Variants in RNGTT observed in about 807,000 individuals in gnomAD.
RNGTT encodes RNA guanylyltransferase and 5'-phosphatase, also known as mRNA-capping enzyme.
A neutral mutation model predicts 79.3 loss-of-function variants in RNGTT; 33 were observed. That is an observed-to-expected ratio of 0.42 (90% CI 0.32 to 0.56). RNGTT has a LOEUF of 0.56. Among genes scored for constraint, RNGTT ranks in the 20% least tolerant of loss-of-function variants. The pLI is 0.17. For missense variants in RNGTT, 497 were observed against 739.1 expected (o/e 0.67, Z 3.80); for synonymous variants, 222 against 235.9 (o/e 0.94, Z 0.54).
rs528468206 is a variant in RNGTT, at chr6:88,654,135, T to TGTCAGCAACTGTGGAGAAGTG, written c.1506+24217_1506+24218insCACTTCTCCACAGTTGCTGAC. On this transcript the variant is annotated intron_variant, in intron 14 of 15. Coordinates refer to ENST00000369485, the MANE Select transcript of RNGTT (RefSeq NM_003800.5). ...ACTCAGCAGTAATCCCAAAATGCTC[T>TGTCAGCAACTGTGGAGAAGTG]GTCAGCAACTTAATAGCTATTGCAT... is the stretch of plus-strand genomic sequence containing the variant. 1.9e-3 allele frequency among the ~76,000 whole-genome samples: 286 copies of TGTCAGCAACTGTGGAGAAGTG among 152,338 alleles called. 4 individuals are homozygous for TGTCAGCAACTGTGGAGAAGTG. The highest frequency in any genetic ancestry group is 6.7e-3 in the African/African-American group (280 of 41,586).
At chr6:88,685,784 A>T (rs1327767828) in intron 13 of RNGTT, among the ~76,000 whole-genome samples, 1 of 152,078 alleles carries the variant, frequency 6.6e-6, no homozygotes, top group African/African-American at 2.4e-5. Flanking sequence ...AAGAGAAGCT[A>T]ACTTTTTCAA....
At chr6:88,961,011 G>A (rs780476723) in intron 1 of RNGTT, among the ~76,000 whole-genome samples, 1 of 152,154 alleles carries the variant, frequency 6.6e-6, no homozygotes, top group South Asian at 2.1e-4. Flanking sequence ...TGTTGCAAAG[G>A]AGATTAACAT....
At chr6:88,879,380 T>A (rs986882787) in intron 8 of RNGTT, among the ~76,000 whole-genome samples, 3 of 152,220 alleles carry the variant, frequency 2.0e-5, no homozygotes, top group African/African-American at 7.2e-5. Context: ...GGTGTCAGAG[T>A]GAGACTCCGT....
At chr6:88,926,857 A>G (rs181146247) in intron 4 of RNGTT, among the ~76,000 whole-genome samples, 1 of 152,362 alleles carries the variant, frequency 6.6e-6, no homozygotes, top group Admixed American at 6.5e-5. Flanking sequence ...GAAATGTTCA[A>G]TATGTGATAG....
At chr6:88,770,950 G>A (rs1778635993) in intron 12 of RNGTT, among the ~76,000 whole-genome samples, 1 of 152,014 alleles carries the variant, frequency 6.6e-6, no homozygotes, top group Non-Finnish European at 1.5e-5. Flanking sequence ...TTTGCACTGA[G>A]CTGTTTGACT....
intron 13 of RNGTT, among the ~76,000 whole-genome samples, chr6:88,746,450 G>A (rs932795870): frequency 6.6e-5 from 10 of 152,098 alleles, no homozygotes; most frequent in Admixed American, 4.6e-4. Context: ...CTAGAGCAGC[G>A]GTCCTCAACC....
At chr6:88,839,051 A>G (rs1781174624) in intron 11 of RNGTT, among the ~76,000 whole-genome samples, 1 of 143,102 alleles carries the variant, frequency 7.0e-6, no homozygotes, top group Non-Finnish European at 1.5e-5. Flanking sequence ...CTGAATATCT[A>G]TATGCAAAAA....
intron 10 of RNGTT, among the ~76,000 whole-genome samples, chr6:88,849,178 G>T (rs1213818508): frequency 1.3e-5 from 2 of 151,970 alleles, no homozygotes; most frequent in Non-Finnish European, 2.9e-5. Flanking sequence ...TACTTATGAG[G>T]AATACAGTCA....
intron 11 of RNGTT, among the ~76,000 whole-genome samples, chr6:88,837,216 G>A (rs1781110498): frequency 6.6e-6 from 1 of 152,064 alleles, no homozygotes; most frequent in Admixed American, 6.6e-5. Context: ...CAAACATACT[G>A]AGAGGCACTA....
intron 8 of RNGTT, among the ~76,000 whole-genome samples, chr6:88,875,010 G>A (rs993654106): frequency 1.3e-5 from 2 of 151,918 alleles, no homozygotes; most frequent in Non-Finnish European, 2.9e-5. Context: ...TTCCTGCTGA[G>A]AGTAGGAATT....
rs138215623 is a variant in RNGTT at position 88,807,461 on chromosome 6, G to A, written c.1270-5829C>T. Among the ~76,000 whole-genome samples, 65 of 152,146 alleles carry A rather than the reference G, an allele frequency of 4.3e-4. No individual in the cohort carries two copies. The East Asian group carries it at 0.012, about 28-fold the overall frequency. ...TGAGATTATCCACAGACTGGACACA[G>A]AAGAGAAAAGTCACTAAACTTAAAG... On this transcript the variant is annotated intron_variant, in intron 11 of 15. Transcript: ENST00000369485.
intron 14 of RNGTT, among the ~76,000 whole-genome samples, chr6:88,614,913 T>G (rs527330210): frequency 3.3e-4 from 50 of 152,340 alleles, no homozygotes; most frequent in Non-Finnish European, 5.7e-4. Flanking sequence ...TTCCAAGCAG[T>G]GACAATTAAC....
At chr6:88,860,069 T>C (rs1781960932) in intron 8 of RNGTT, among the ~76,000 whole-genome samples, 2 of 152,204 alleles carry the variant, frequency 1.3e-5, no homozygotes, top group Non-Finnish European at 2.9e-5. Context: ...GGTCAATCTG[T>C]AGACAAGAGA....
chr6:88,962,386 C>T (rs1427168364), intron 1 of RNGTT, among the ~76,000 whole-genome samples: 1 of 152,142 alleles, frequency 6.6e-6, no homozygotes, highest in Non-Finnish European at 1.5e-5. Flanking sequence ...AATCCCAACA[C>T]TTTGGGAGGC....
At chr6:88,702,917 C>T (rs528591164) in intron 13 of RNGTT, among the ~76,000 whole-genome samples, 22 of 152,022 alleles carry the variant, frequency 1.4e-4, no homozygotes, top group African/African-American at 5.1e-4. Flanking sequence ...TCTCAAAATT[C>T]GACACATAAA....
chr6:88,778,628 C>T (rs955660388), intron 12 of RNGTT, among the ~76,000 whole-genome samples: 1 of 152,074 alleles, frequency 6.6e-6, no homozygotes, highest in South Asian at 2.1e-4. Context: ...GTAGCTGAGA[C>T]GAAGGGTGCA....
chr6:88,834,850 G>T (rs1426652181), intron 11 of RNGTT, among the ~76,000 whole-genome samples: 2 of 73,216 alleles, frequency 2.7e-5, no homozygotes, highest in African/African-American at 1.8e-4. Flanking sequence ...AATGCCAAAT[G>T]AAATACATAA....
intron 9 of RNGTT, among the ~76,000 whole-genome samples, chr6:88,850,169 T>A (rs895720170): frequency 2.6e-5 from 4 of 152,010 alleles, no homozygotes; most frequent in Admixed American, 6.5e-5. Flanking sequence ...GGATCTTTTT[T>A]AAAAATATTT....
intron 2 of RNGTT, among the ~76,000 whole-genome samples, chr6:88,936,143 T>A (rs904188175): frequency 6.6e-6 from 1 of 152,088 alleles, no homozygotes; most frequent in Admixed American, 6.5e-5. Flanking sequence ...TGGGGTCCAG[T>A]CTGTTCTTGA....
Sources: allele counts gnomAD v4.1 joint callset (sites outside exome capture counted in the v4.1 genomes callset), GRCh38; gene constraint gnomAD v4.1.1; transcripts MANE v1.5; gene names NCBI Gene and HGNC (gene_info 2026-07-23, HGNC 2026-07-21).